The following COX7B2 variants were observed in gnomAD, a reference collection of about 807,000 sequenced individuals.
COX7B2 encodes cytochrome c oxidase subunit 7B2.
For missense variants in COX7B2, 109 were observed against 95.9 expected (o/e 1.14, Z -0.57); for synonymous variants, 37 against 32.1 (o/e 1.15, Z -0.51).
At chr4:46,749,506 G>A (rs1301565144) in intron 2 of COX7B2, among the ~76,000 whole-genome samples, 1 of 152,028 alleles carries the variant, frequency 6.6e-6, no homozygotes, top group African/African-American at 2.4e-5. Flanking sequence ...CTCACTATGT[G>A]ATAATTTACA....
intron 1 of COX7B2, among the ~76,000 whole-genome samples, chr4:46,852,896 G>A (rs548494831): frequency 1.3e-5 from 2 of 152,200 alleles, no homozygotes; most frequent in East Asian, 1.9e-4. Context: ...AATAGATCCC[G>A]AGTGTAGTGC....
chr4:46,769,129 A>C (rs1052506785), intron 2 of COX7B2, among the ~76,000 whole-genome samples: 69 of 152,140 alleles, frequency 4.5e-4, no homozygotes, highest in African/African-American at 1.5e-3. Context: ...AAAGTATAAT[A>C]ATAATAAAAT....
intron 2 of COX7B2, among the ~76,000 whole-genome samples, chr4:46,805,007 G>A (rs532772712): frequency 8.1e-4 from 124 of 152,304 alleles, no homozygotes; most frequent in Middle Eastern, 3.4e-3. Flanking sequence ...GGCCCGGCAA[G>A]AAGTCGAGCA....
intron 2 of COX7B2, among the ~76,000 whole-genome samples, chr4:46,817,465 A>G (rs746364359): frequency 6.6e-6 from 1 of 152,174 alleles, no homozygotes; most frequent in Non-Finnish European, 1.5e-5. Context: ...AACATGCTGA[A>G]TAAACTCAAA....
intron 2 of COX7B2, among the ~76,000 whole-genome samples, chr4:46,829,303 A>T (rs1687916848): frequency 6.6e-6 from 1 of 152,178 alleles, no homozygotes; most frequent in Non-Finnish European, 1.5e-5. Flanking sequence ...TTTAATGACC[A>T]TGGAATATGT....
intron 1 of COX7B2, among the ~76,000 whole-genome samples, chr4:46,878,442 C>A (rs1336943348): frequency 6.6e-6 from 1 of 151,506 alleles, no homozygotes; most frequent in Non-Finnish European, 1.5e-5. Context: ...ATTTGCATGA[C>A]TGTAGTAATC....
intron 2 of COX7B2, among the ~76,000 whole-genome samples, chr4:46,809,681 C>T (rs1337412213): frequency 2.0e-5 from 3 of 151,782 alleles, no homozygotes; most frequent in African/African-American, 4.8e-5. Flanking sequence ...GTTTTATCAC[C>T]TAACATTGTT....
At chr4:46,881,480 C>T (rs1474434721) in intron 1 of COX7B2, among the ~76,000 whole-genome samples, 4 of 152,068 alleles carry the variant, frequency 2.6e-5, no homozygotes, top group Non-Finnish European at 4.4e-5. Context: ...AAATGGAAGG[C>T]GGCTGAACAT....
At chr4:46,845,882 A>C (rs1716244788) in intron 1 of COX7B2, among the ~76,000 whole-genome samples, 1 of 152,016 alleles carries the variant, frequency 6.6e-6, no homozygotes, top group East Asian at 1.9e-4. Flanking sequence ...ATGAGTATCC[A>C]TCAACAGCAA....
intron 2 of COX7B2, among the ~76,000 whole-genome samples, chr4:46,794,447 G>A (rs925991182): frequency 3.9e-5 from 6 of 152,130 alleles, no homozygotes; most frequent in Non-Finnish European, 8.8e-5. Flanking sequence ...TAGGAAGACG[G>A]AACTGTTAGA....
At chr4:46,819,835 C>A (rs893117501) in intron 2 of COX7B2, among the ~76,000 whole-genome samples, 2 of 152,190 alleles carry the variant, frequency 1.3e-5, no homozygotes, top group Admixed American at 1.3e-4. Flanking sequence ...GGCATGGTCA[C>A]AATTACCTTG....
chr4:46,824,476 G>A (rs576868628), intron 2 of COX7B2, among the ~76,000 whole-genome samples: 70 of 152,064 alleles, frequency 4.6e-4, no homozygotes, highest in African/African-American at 1.5e-3. Flanking sequence ...CAGCTTTTTC[G>A]TTATTCACTA....
chr4:46,811,782 C>G lies in COX7B2; in HGVS notation c.-50+33178G>C, dbSNP rs6832291. ...ACTTCTTCTAAACTTTACAGAGCAG[C>G]TTTCATAGGGGGAGACTTTCACATA... On this transcript the variant is annotated intron_variant, in intron 2 of 2. Coordinates refer to ENST00000355591, the MANE Select transcript of COX7B2 (RefSeq NM_130902.3). 0.017 allele frequency among the ~76,000 whole-genome samples: 2,631 copies of G among 152,232 alleles called. 175 individuals are homozygous for G. In the East Asian group the frequency reaches 0.23, roughly 13 times the overall value.
chr4:46,838,578 G>A (rs1435426094), intron 2 of COX7B2, among the ~76,000 whole-genome samples: 1 of 152,046 alleles, frequency 6.6e-6, no homozygotes, highest in Non-Finnish European at 1.5e-5. Flanking sequence ...CCTGGGTAGA[G>A]TAACAGTATG....
intron 1 of COX7B2, among the ~76,000 whole-genome samples, chr4:46,878,448 TA>T (rs1718488044): frequency 6.6e-6 from 1 of 151,786 alleles, no homozygotes; most frequent in Non-Finnish European, 1.5e-5. Context: ...ATGACTGTAG[TA>T]ATCATTTTAC....
In COX7B2 at chr4:46,907,965, C is replaced by T. The variant is rs547695543; in HGVS notation, c.-105+1195G>A. On this transcript the variant is annotated intron_variant, in intron 1 of 2. Coordinates refer to ENST00000355591, the MANE Select transcript of COX7B2 (RefSeq NM_130902.3). ...GCCTCCCGGGTTCAAGCGATTCTCC[C>T]GGCTCAGCCTCCCTAGTAGCTGGGA... is the stretch of plus-strand genomic sequence containing the variant. 2.3e-3 allele frequency among the ~76,000 whole-genome samples: 352 copies of T among 150,470 alleles called. 2 individuals carry two copies. The highest frequency in any genetic ancestry group is 3.9e-3 in the Non-Finnish European group (264 of 67,760).
At chr4:46,737,819 C>T (rs1714453756) in intron 2 of COX7B2, among the ~76,000 whole-genome samples, 1 of 152,074 alleles carries the variant, frequency 6.6e-6, no homozygotes, top group South Asian at 2.1e-4. Context: ...CATAACTATT[C>T]ACTGAGATTT....
intron 1 of COX7B2, among the ~76,000 whole-genome samples, chr4:46,899,570 C>T (rs555399482): frequency 8.5e-5 from 13 of 152,162 alleles, no homozygotes; most frequent in African/African-American, 1.2e-4. Context: ...GGTGCTTTTT[C>T]GCCAATGAGA....
At chr4:46,856,749 A>G (rs930698056) in intron 1 of COX7B2, among the ~76,000 whole-genome samples, 6 of 152,198 alleles carry the variant, frequency 3.9e-5, no homozygotes, top group African/African-American at 1.4e-4. Context: ...TTTGTTTTGA[A>G]TAATTGAGAA....
Sources: allele counts gnomAD v4.1 joint callset (sites outside exome capture counted in the v4.1 genomes callset), GRCh38; gene constraint gnomAD v4.1.1; transcripts MANE v1.5; gene names NCBI Gene and HGNC (gene_info 2026-07-23, HGNC 2026-07-21).